CERS6: variants seen among roughly 807,000 people sequenced by gnomAD.
CERS6 encodes the protein ceramide synthase 6.
CERS6 carries 26 observed loss-of-function variants against 56.8 expected under a neutral mutation model. The ratio of observed to expected loss-of-function variants is 0.46; its 90% CI spans 0.34 to 0.63. CERS6 has a LOEUF of 0.63. CERS6 is among the 30% of genes least tolerant of loss of function. CERS6 has a pLI of 0.01. For missense variants in CERS6, 415 were observed against 467.5 expected, an observed-to-expected ratio of 0.89 and a Z score of 1.04; for synonymous variants, 164 against 173.3, an observed-to-expected ratio of 0.95 and a Z score of 0.42.
At chr2:168,628,221 G>A (rs1204750080) in intron 3 of CERS6, among the ~76,000 whole-genome samples, 1 of 152,086 alleles carries the variant, frequency 6.6e-6, no homozygotes, top group Non-Finnish European at 1.5e-5. Context: ...GTAGACCCAT[G>A]CTGCCACTGA....
chr2:168,746,822 A>T (rs2433682), intron 8 of CERS6, among the ~76,000 whole-genome samples: 3,114 of 33,682 alleles, frequency 0.092, 108 homozygotes, highest in Non-Finnish European at 0.12. Context: ...TATATATATA[A>T]AATCATCTTT....
chr2:168,502,240 G>C (rs1409309381), intron 1 of CERS6, among the ~76,000 whole-genome samples: 3 of 151,698 alleles, frequency 2.0e-5, no homozygotes, highest in Non-Finnish European at 4.4e-5. Flanking sequence ...ATGTTCGTTT[G>C]GACCTTCCTA....
intron 8 of CERS6, among the ~76,000 whole-genome samples, chr2:168,724,378 A>G (rs1430498831): frequency 6.6e-6 from 1 of 152,146 alleles, no homozygotes; most frequent in African/African-American, 2.4e-5. Context: ...AGAGCGAAAG[A>G]ACAAAGCTTC....
intron 1 of CERS6, among the ~76,000 whole-genome samples, chr2:168,469,548 A>G (rs1042564650): frequency 6.6e-6 from 1 of 152,190 alleles, no homozygotes; most frequent in Non-Finnish European, 1.5e-5. Flanking sequence ...TCAGAGATCT[A>G]CAAGTCCACT....
chr2:168,761,769 C>T (rs1456398221), intron 8 of CERS6, among the ~76,000 whole-genome samples: 1 of 152,008 alleles, frequency 6.6e-6, no homozygotes, highest in African/African-American at 2.4e-5. Context: ...CCTTGTTGTC[C>T]CCCTGGCCTG....
At chr2:168,567,924 C>G (rs1695911689) in intron 3 of CERS6, among the ~76,000 whole-genome samples, 1 of 152,200 alleles carries the variant, frequency 6.6e-6, no homozygotes. Flanking sequence ...GATTGATGAA[C>G]CGGACTATGG....
chr2:168,731,416 A>G (rs1268762259), intron 8 of CERS6, among the ~76,000 whole-genome samples: 1 of 152,168 alleles, frequency 6.6e-6, no homozygotes, highest in Non-Finnish European at 1.5e-5. Flanking sequence ...AATAAGGAAA[A>G]ATTTCTAGTT....
intron 4 of CERS6, among the ~76,000 whole-genome samples, chr2:168,683,893 G>C (rs1686280835): frequency 6.6e-6 from 1 of 152,180 alleles, no homozygotes; most frequent in African/African-American, 2.4e-5. Flanking sequence ...CAGCTGAAAA[G>C]AGGCAGAAGT....
At chr2:168,558,569 C>G (rs1022725153) in intron 2 of CERS6, among the ~76,000 whole-genome samples, 5 of 152,110 alleles carry the variant, frequency 3.3e-5, no homozygotes, top group Admixed American at 3.3e-4. Context: ...TGTGTAAATA[C>G]TGGAAAGAAA....
At chr2:168,724,056 C>T (rs1057252268) in intron 8 of CERS6, among the ~76,000 whole-genome samples, 14 of 152,096 alleles carry the variant, frequency 9.2e-5, no homozygotes, top group South Asian at 2.1e-4. Context: ...AGAATGAAGC[C>T]GCGGACCCTT....
At chr2:168,495,961 G>A (rs1420650834) in intron 1 of CERS6, among the ~76,000 whole-genome samples, 1 of 152,136 alleles carries the variant, frequency 6.6e-6, no homozygotes, top group African/African-American at 2.4e-5. Context: ...GATCTCCCTG[G>A]GGATAACCAC....
At chr2:168,496,328 G>A (rs2105342012) in intron 1 of CERS6, among the ~76,000 whole-genome samples, 1 of 151,622 alleles carries the variant, frequency 6.6e-6, no homozygotes, top group Non-Finnish European at 1.5e-5. Flanking sequence ...CAGAGAACTT[G>A]GAAGTCATGA....
chr2:168,735,305 G>T (rs1315702213), intron 8 of CERS6, among the ~76,000 whole-genome samples: 3 of 151,346 alleles, frequency 2.0e-5, no homozygotes, highest in East Asian at 3.9e-4. Context: ...AAAAAAAAAA[G>T]TTAATAAGCA....
At chr2:168,626,634 T>C (rs1391954538) in intron 3 of CERS6, among the ~76,000 whole-genome samples, 2 of 152,236 alleles carry the variant, frequency 1.3e-5, no homozygotes, top group East Asian at 3.8e-4. Context: ...TTGACGTCTC[T>C]AGGCAAAGCA....
intron 4 of CERS6, among the ~76,000 whole-genome samples, chr2:168,673,371 C>CA (rs150473782): frequency 0.045 from 6,904 of 151,916 alleles, 394 homozygotes; most frequent in African/African-American, 0.14. Context: ...ATCAGTGATT[C>CA]AAAAGTCTAA....
At chr2:168,693,139 G>A (rs546067466) in intron 5 of CERS6, among the ~76,000 whole-genome samples, 2 of 152,270 alleles carry the variant, frequency 1.3e-5, no homozygotes, top group South Asian at 2.1e-4. Flanking sequence ...AGAAGCACAA[G>A]TTGGACATGA....
chr2:168,561,380 G>C (rs1695786533), intron 3 of CERS6, 58 bp downstream of exon 3: 1 of 1,601,764 alleles, frequency 6.2e-7, no homozygotes, highest in East Asian at 2.2e-5. Context: ...CCAACCCTGA[G>C]GTGAAAAATA....
At position 168,599,256 on chromosome 2, in the gene CERS6, C is replaced by G. The variant is rs111450310; in HGVS notation, c.408-31729C>G. 1.1e-3 allele frequency among the ~76,000 whole-genome samples: 169 copies of G among 152,256 alleles called. 2 individuals are homozygous for G. The highest frequency in any genetic ancestry group is 3.9e-3 in the African/African-American group (164 of 41,552). ...TGCTCTGTGTGGTTCTTTTCTCCCC[C>G]CAATCCTCTCACATCCTATTTCTCA... is the stretch of plus-strand genomic sequence containing the variant. On this transcript the variant is annotated intron_variant, in intron 3 of 9. Transcript: ENST00000305747.
intron 1 of CERS6, among the ~76,000 whole-genome samples, chr2:168,485,529 G>A (rs1484068193): frequency 2.0e-5 from 3 of 151,998 alleles, no homozygotes; most frequent in Non-Finnish European, 2.9e-5. Flanking sequence ...TGAACTTTTG[G>A]AACTACTGAT....
Sources: allele counts gnomAD v4.1 joint callset (sites outside exome capture counted in the v4.1 genomes callset), GRCh38; gene constraint gnomAD v4.1.1; transcripts MANE v1.5; gene names NCBI Gene and HGNC (gene_info 2026-07-23, HGNC 2026-07-21).